Variants in DCC observed in about 807,000 individuals in gnomAD.
DCC encodes netrin receptor DCC.
DCC carries 58 observed loss-of-function variants against 172.5 expected under a neutral mutation model. That is an observed-to-expected ratio of 0.34 (90% CI 0.27 to 0.42). The LOEUF (loss-of-function observed/expected upper bound fraction) is 0.42, where lower values mean the gene tolerates loss of function less well. Ranked by LOEUF, DCC falls within the 10% of genes least tolerant of loss-of-function variation. The pLI, the probability that DCC is intolerant of heterozygous loss-of-function variation, is 1.00. For missense variants in DCC, 1,740 were observed against 1,791.0 expected, an observed-to-expected ratio of 0.97 and a Z score of 0.51; for synonymous variants, 709 against 644.5, an observed-to-expected ratio of 1.10 and a Z score of -1.52.
intron 1 of DCC, among the ~76,000 whole-genome samples, chr18:52,573,479 C>T (rs1018493478): frequency 1.3e-5 from 2 of 152,184 alleles, no homozygotes; most frequent in African/African-American, 4.8e-5. Context: ...TATGTTCTCA[C>T]AACGAAATTA....
chr18:52,448,904 A>G (rs897919613), intron 1 of DCC, among the ~76,000 whole-genome samples: 15 of 152,234 alleles, frequency 9.9e-5, no homozygotes, highest in Admixed American at 1.3e-4. Context: ...AACATTTGCT[A>G]GTTTCTTTCC....
At chr18:53,167,429 C>G (rs980396298) in intron 8 of DCC, among the ~76,000 whole-genome samples, 1 of 152,102 alleles carries the variant, frequency 6.6e-6, no homozygotes, top group East Asian at 1.9e-4. Flanking sequence ...AGATCCCACT[C>G]TCCATTACGG....
intron 5 of DCC, among the ~76,000 whole-genome samples, chr18:52,984,587 T>C (rs1186860083): frequency 6.6e-6 from 1 of 152,142 alleles, no homozygotes; most frequent in Non-Finnish European, 1.5e-5. Context: ...TATCCATTTA[T>C]TTAAGCCTTC....
chr18:52,949,193 C>G (rs2040596687), intron 5 of DCC, among the ~76,000 whole-genome samples: 1 of 152,200 alleles, frequency 6.6e-6, no homozygotes, highest in African/African-American at 2.4e-5. Flanking sequence ...ACTGCAAGCT[C>G]TTGTTAAAGT....
At chr18:53,513,336 C>T (rs531696693) in intron 27 of DCC, among the ~76,000 whole-genome samples, 62 of 152,278 alleles carry the variant, frequency 4.1e-4, no homozygotes, top group East Asian at 3.9e-4. Context: ...AAGGAACAAC[C>T]GGTACCAGCC....
chr18:53,306,046 A>G (rs2057196718), intron 13 of DCC, among the ~76,000 whole-genome samples: 1 of 152,192 alleles, frequency 6.6e-6, no homozygotes, highest in Admixed American at 6.5e-5. Context: ...AAGTCATCTA[A>G]TGAAATTGTT....
At chr18:52,361,870 G>A (rs1443578) in intron 1 of DCC, among the ~76,000 whole-genome samples, 37,280 of 152,094 alleles carry the variant, frequency 0.25, 4,869 homozygotes, top group African/African-American at 0.32. Flanking sequence ...ACCACAGCTC[G>A]TTCATGTGGC....
chr18:53,099,926 TTTTCTTTTC>T (rs1465896128), intron 7 of DCC, among the ~76,000 whole-genome samples: 22 of 136,910 alleles, frequency 1.6e-4, no homozygotes, highest in Admixed American at 2.9e-4. Context: ...GAGACTTTTC[TTTTCTTTTC>T]TTTCTTTCTT....
At chr18:53,354,735 T>A (rs1470137603) in intron 15 of DCC, among the ~76,000 whole-genome samples, 2 of 150,180 alleles carry the variant, frequency 1.3e-5, no homozygotes, top group Non-Finnish European at 3.0e-5. Flanking sequence ...GGTAGTTTCT[T>A]TTGCTGTGCA....
intron 9 of DCC, among the ~76,000 whole-genome samples, chr18:53,187,728 C>T (rs905326078): frequency 6.6e-6 from 1 of 152,168 alleles, no homozygotes; most frequent in African/African-American, 2.4e-5. Context: ...TCTTTAACTC[C>T]AATGTTCTTA....
intron 7 of DCC, among the ~76,000 whole-genome samples, chr18:53,090,701 A>C (rs1568298417): frequency 1.4e-4 from 7 of 50,006 alleles, no homozygotes; most frequent in East Asian, 1.2e-3. Flanking sequence ...CCCCCAACAA[A>C]AAAAAAAAAA....
At chr18:52,510,480 T>A (rs962662759) in intron 1 of DCC, among the ~76,000 whole-genome samples, 7 of 152,128 alleles carry the variant, frequency 4.6e-5, no homozygotes, top group African/African-American at 1.7e-4. Flanking sequence ...TTGGGCTTAA[T>A]AAACACTGGG....
intron 1 of DCC, among the ~76,000 whole-genome samples, chr18:52,518,288 T>C (rs1420703400): frequency 6.6e-6 from 1 of 152,166 alleles, no homozygotes; most frequent in Non-Finnish European, 1.5e-5. Context: ...AAAAAGCCAT[T>C]GCCATGTGCT....
intron 2 of DCC, among the ~76,000 whole-genome samples, chr18:52,853,623 A>G (rs1197051242): frequency 1.3e-5 from 2 of 152,190 alleles, no homozygotes; most frequent in African/African-American, 4.8e-5. Context: ...AGGAATCTGG[A>G]TGATTGACAC....
intron 7 of DCC, among the ~76,000 whole-genome samples, chr18:53,090,089 A>T (rs1400819571): frequency 3.3e-5 from 5 of 152,178 alleles, no homozygotes; most frequent in Non-Finnish European, 5.9e-5. Flanking sequence ...TGTGTCTACT[A>T]GTTGCTAAAA....
intron 7 of DCC, among the ~76,000 whole-genome samples, chr18:53,121,319 A>G (rs1436063603): frequency 6.6e-6 from 1 of 151,956 alleles, no homozygotes; most frequent in East Asian, 1.9e-4. Context: ...GTAAACTGTG[A>G]AATACTGTAA....
At chr18:52,821,430 C>T (rs2038405488) in intron 2 of DCC, among the ~76,000 whole-genome samples, 1 of 152,186 alleles carries the variant, frequency 6.6e-6, no homozygotes, top group South Asian at 2.1e-4. Context: ...GCAGTATATT[C>T]CTTTCAGATA....
intron 1 of DCC, among the ~76,000 whole-genome samples, chr18:52,731,276 A>G (rs1391929927): frequency 6.6e-6 from 1 of 152,246 alleles, no homozygotes; most frequent in Non-Finnish European, 1.5e-5. Context: ...TGAGAGAACA[A>G]AAAGGATTAA....
rs1295662099 is a variant in DCC, at chr18:53,428,161, ATAATATATAATATG to A, written c.3164-6969_3164-6956del. 3.5e-3 allele frequency among the ~76,000 whole-genome samples: 167 copies of A among 47,176 alleles called. 33 individuals carry two copies. Among genetic ancestry groups the A allele is most frequent in the African/African-American group, 9.8e-3 (155 of 15,828 alleles). 30.9% of individuals were successfully genotyped at this position (47,176 alleles called of 152,430 possible). ...ATAATAATATATAATATATAATATA[ATAATATATAATATG>A]TAATATATAATATAGAATATATAAT... is the stretch of plus-strand genomic sequence containing the variant. On this transcript the variant is annotated intron_variant, in intron 21 of 28. Transcript: ENST00000442544.
Sources: gnomAD v4.1 joint callset for allele counts (sites outside exome capture counted in the v4.1 genomes callset) on GRCh38, gnomAD v4.1.1 for gene constraint, MANE v1.5 for transcripts, NCBI Gene and HGNC (gene_info 2026-07-23, HGNC 2026-07-21) for gene names.